Variants in MAP3K5 observed in about 807,000 individuals in gnomAD.
The protein encoded by MAP3K5 is ASK-1.
MAP3K5 carries 56 observed loss-of-function variants against 158.7 expected under a neutral mutation model. The observed-to-expected ratio is 0.35, with a 90% CI of 0.28 to 0.44. The LOEUF is 0.44. Ranked by LOEUF, MAP3K5 falls within the 20% of genes least tolerant of loss-of-function variation. MAP3K5 has a pLI of 1.00. For missense variants in MAP3K5, 1,294 were observed against 1,674.8 expected, an observed-to-expected ratio of 0.77 and a Z score of 3.97; for synonymous variants, 579 against 601.7, an observed-to-expected ratio of 0.96 and a Z score of 0.55.
intron 1 of MAP3K5, among the ~76,000 whole-genome samples, chr6:136,729,848 G>A (rs190031288): frequency 6.6e-6 from 1 of 152,190 alleles, no homozygotes; most frequent in African/African-American, 2.4e-5. Context: ...ACAACATGTG[G>A]GGAAACTCAA....
intron 15 of MAP3K5, among the ~76,000 whole-genome samples, chr6:136,622,163 C>A (rs1776835663): frequency 1.3e-5 from 2 of 151,962 alleles, no homozygotes; most frequent in African/African-American, 4.8e-5. Context: ...TATTTCAAGT[C>A]TCTCTGAGGA....
Position 136,695,883 on chromosome 6 carries a change from T to A in MAP3K5, c.1082+68A>T, listed in dbSNP as rs373948657. ...TTGCAATGCTGCAGTGAACACATTC[T>A]CTGTAAAGAATTGCAGGTTACACAA... On this transcript the variant is annotated intron_variant, in intron 6 of 29. Coordinates refer to ENST00000359015, the MANE Select transcript of MAP3K5 (RefSeq NM_005923.4). 77 of 885,326 alleles carry A rather than the reference T, an allele frequency of 8.7e-5. No homozygotes were observed. In the African/African-American group the frequency reaches 1.1e-3, roughly 13 times the overall value. 54.8% of individuals were successfully genotyped at this position (885,326 alleles called of 1,614,324 possible).
At chr6:136,757,470 GT>G (rs1783542852) in intron 1 of MAP3K5, among the ~76,000 whole-genome samples, 1 of 151,742 alleles carries the variant, frequency 6.6e-6, no homozygotes, top group South Asian at 2.1e-4. Flanking sequence ...TGTAAATAAT[GT>G]TCATAATAAT....
At chr6:136,675,562 T>C (rs1340353436) in intron 7 of MAP3K5, among the ~76,000 whole-genome samples, 1 of 152,130 alleles carries the variant, frequency 6.6e-6, no homozygotes, top group Non-Finnish European at 1.5e-5. Context: ...AATTAGAAGG[T>C]ATTTAAACTG....
At chr6:136,724,114 G>A (rs1317670600) in intron 1 of MAP3K5, among the ~76,000 whole-genome samples, 3 of 152,022 alleles carry the variant, frequency 2.0e-5, no homozygotes, top group Non-Finnish European at 4.4e-5. Context: ...TAAGAGACAT[G>A]CAAAGAAAAA....
chr6:136,689,371 T>C (rs891612646), intron 7 of MAP3K5, among the ~76,000 whole-genome samples: 2 of 152,170 alleles, frequency 1.3e-5, no homozygotes. Flanking sequence ...TAATAAAAAT[T>C]CATAGTACAA....
intron 1 of MAP3K5, among the ~76,000 whole-genome samples, chr6:136,734,734 C>G (rs1323785846): frequency 6.6e-6 from 1 of 151,874 alleles, no homozygotes; most frequent in Non-Finnish European, 1.5e-5. Context: ...TTTTTGGTCT[C>G]TCATATTTAG....
chr6:136,565,921 G>A (rs1277334704), intron 26 of MAP3K5, among the ~76,000 whole-genome samples: 1 of 152,202 alleles, frequency 6.6e-6, no homozygotes, highest in Non-Finnish European at 1.5e-5. Context: ...ATGTAAATAT[G>A]CAGAGGAAAA....
chr6:136,791,417 T>A (rs1785068769), intron 1 of MAP3K5, among the ~76,000 whole-genome samples: 1 of 151,460 alleles, frequency 6.6e-6, no homozygotes, highest in Non-Finnish European at 1.5e-5. Flanking sequence ...CTGGGGCAAA[T>A]ATCTCACACT....
chr6:136,557,357 A>C lies in MAP3K5; in HGVS notation c.*401T>G, dbSNP rs1830295881. 1 of 168,758 alleles carries C rather than the reference A, an allele frequency of 5.9e-6. No homozygotes were observed. The highest frequency in any genetic ancestry group is 2.4e-5 in the African/African-American group (1 of 41,670). 10.5% of individuals were successfully genotyped at this position (168,758 alleles called of 1,614,324 possible). ...CATATTACAAACACACAGAAGCCTA[A>C]ACAGTTATGGTCACATTTTGGTTTT... On this transcript the variant is annotated 3_prime_UTR_variant, in exon 30 of 30. Transcript: ENST00000359015.
chr6:136,590,528 AT>A (rs1775336481), intron 23 of MAP3K5, among the ~76,000 whole-genome samples: 1 of 149,746 alleles, frequency 6.7e-6, no homozygotes, highest in Non-Finnish European at 1.5e-5. Flanking sequence ...GAGTTTGCAC[AT>A]TTTCTTTTCT....
At chr6:136,746,545 C>T (rs2114902532) in intron 1 of MAP3K5, among the ~76,000 whole-genome samples, 1 of 152,240 alleles carries the variant, frequency 6.6e-6, no homozygotes, top group Non-Finnish European at 1.5e-5. Flanking sequence ...ATTTTAATAA[C>T]TATCCTAGAA....
In MAP3K5 at chr6:136,698,525, A is replaced by G; in HGVS notation, c.770T>C (p.Phe257Ser). 1 of 1,614,016 alleles carries G rather than the reference A, an allele frequency of 6.2e-7. No homozygotes were observed. The highest frequency in any genetic ancestry group is 8.5e-7 in the Non-Finnish European group (1 of 1,179,944). Residue 257 changes from phenylalanine to serine, a missense_variant, in exon 4 of 30, where the codon TTT becomes TCT. Physicochemically the swap from Phe to Ser is radical, Grantham distance 155 (BLOSUM62 -2). Coordinates refer to ENST00000359015, the MANE Select transcript of MAP3K5 (RefSeq NM_005923.4). ...GPICLPLVDR[F>S]IQLLKVAQAS... is the part of the protein sequence containing the mutation. ...TTGTGCCACCTTCAAAAGTTGAATAAAACGATCCACAAGAGGTAAGCAGAT... is the reference window on the plus strand; with the variant it reads ...TTGTGCCACCTTCAAAAGTTGAATAGAACGATCCACAAGAGGTAAGCAGAT...
At chr6:136,696,488 T>G (rs1780604960) in intron 5 of MAP3K5, among the ~76,000 whole-genome samples, 1 of 152,096 alleles carries the variant, frequency 6.6e-6, no homozygotes, top group Admixed American at 6.6e-5. Context: ...GTCACATGAG[T>G]AAGCACTCTA....
rs530093563 is a variant in MAP3K5 at position 136,571,607 on chromosome 6, T to C, written c.3518-3733A>G. Among the ~76,000 whole-genome samples the C allele has an allele frequency of 8.9e-4, 136 of 152,372 alleles. 1 individual carries two copies. The highest frequency in any genetic ancestry group is 1.9e-3 in the Admixed American group (29 of 15,302). On this transcript the variant is annotated intron_variant, in intron 25 of 29. Transcript: ENST00000359015. ...TTCCTTCCTTTCTAAGGCTGAATAA[T>C]ATTCCATTATATGTATACACCACAT...
At chr6:136,686,433 G>C (rs1780150097) in intron 7 of MAP3K5, among the ~76,000 whole-genome samples, 1 of 152,106 alleles carries the variant, frequency 6.6e-6, no homozygotes, top group South Asian at 2.1e-4. Flanking sequence ...GGCAATCAGG[G>C]AAGAAAAAGA....
intron 10 of MAP3K5, among the ~76,000 whole-genome samples, chr6:136,651,368 ATC>A (rs1234132840): frequency 6.6e-6 from 1 of 152,212 alleles, no homozygotes; most frequent in Non-Finnish European, 1.5e-5. Flanking sequence ...GGGTTCAGCT[ATC>A]CTCAGGGAAT....
chr6:136,789,243 G>A (rs537547419), intron 1 of MAP3K5, among the ~76,000 whole-genome samples: 4 of 152,226 alleles, frequency 2.6e-5, no homozygotes, highest in Non-Finnish European at 4.4e-5. Flanking sequence ...CCAGGAGTTC[G>A]AGCTAGCAGC....
At chr6:136,721,598 A>G (rs1029335544) in intron 1 of MAP3K5, among the ~76,000 whole-genome samples, 1 of 152,276 alleles carries the variant, frequency 6.6e-6, no homozygotes, top group Non-Finnish European at 1.5e-5. Context: ...CAAGTGTTAT[A>G]AGACCTAGAT....
Sources: gnomAD v4.1 joint callset for allele counts (sites outside exome capture counted in the v4.1 genomes callset) on GRCh38, gnomAD v4.1.1 for gene constraint, MANE v1.5 for transcripts, NCBI Gene and HGNC (gene_info 2026-07-23, HGNC 2026-07-21) for gene names.